The following GRB10 variants were observed in gnomAD, a reference collection of about 807,000 sequenced individuals.
The protein encoded by GRB10 is growth factor receptor-bound protein 10.
A neutral mutation model predicts 80.9 loss-of-function variants in GRB10; 20 were observed. The ratio of observed to expected loss-of-function variants is 0.25; its 90% CI spans 0.17 to 0.36. The LOEUF is 0.36. Among genes scored for constraint, GRB10 ranks in the 10% least tolerant of loss-of-function variants. The probability of loss-of-function intolerance (pLI) is 1.00; values close to 1 mark genes in which losing one functional copy is unlikely to be tolerated. For synonymous variants in GRB10, 291 were observed against 291.5 expected, an observed-to-expected ratio of 1.00 and a Z score of 0.02; for missense variants, 548 against 747.7, an observed-to-expected ratio of 0.73 and a Z score of 3.12.
intron 3 of GRB10, among the ~76,000 whole-genome samples, chr7:50,736,700 A>G (rs1460144763): frequency 6.6e-6 from 1 of 152,118 alleles, no homozygotes; most frequent in Non-Finnish European, 1.5e-5. Flanking sequence ...GAAGGATCAA[A>G]TTAAGCACAG....
At position 50,592,854 on chromosome 7, in the gene GRB10, C is replaced by T. The variant is rs2153558223; in HGVS notation, c.*98G>A. The T allele has an allele frequency of 7.3e-7, 1 of 1,371,180 alleles. No homozygotes were observed. Among genetic ancestry groups the T allele is most frequent in the Non-Finnish European group, 1.0e-6 (1 of 963,050 alleles). The allele number at this position is 1,371,180 out of a possible 1,614,324, so 84.9% of individuals were successfully genotyped here. ...ACAAACCCATCTCGCTCTGGGTCCC[C>T]AGGTGCAGAATCGATGTGTGTTCTT... On this transcript the variant is annotated 3_prime_UTR_variant, in exon 19 of 19. Coordinates refer to ENST00000401949, the MANE Select transcript of GRB10 (RefSeq NM_001350814.2).
chr7:50,663,731 A>G (rs1438714088), intron 7 of GRB10, among the ~76,000 whole-genome samples: 1 of 152,206 alleles, frequency 6.6e-6, no homozygotes, highest in Non-Finnish European at 1.5e-5. Flanking sequence ...AAGCCTATTT[A>G]ATGTAATCCT....
At chr7:50,748,877 G>T (rs1562601109) in intron 3 of GRB10, among the ~76,000 whole-genome samples, 1 of 152,248 alleles carries the variant, frequency 6.6e-6, no homozygotes, top group East Asian at 1.9e-4. Flanking sequence ...TCAAAACAGG[G>T]AAAAGCTACC....
intron 7 of GRB10, among the ~76,000 whole-genome samples, chr7:50,659,850 C>T (rs1432064321): frequency 3.3e-5 from 5 of 152,220 alleles, no homozygotes; most frequent in African/African-American, 7.2e-5. Flanking sequence ...GGGATTCACG[C>T]GTCCCCTCAT....
intron 1 of GRB10, among the ~76,000 whole-genome samples, chr7:50,788,342 G>A (rs375493061): frequency 7.2e-5 from 11 of 152,250 alleles, no homozygotes; most frequent in Middle Eastern, 3.4e-3. Flanking sequence ...AGCCTTGGAG[G>A]TTCCTGACCC....
At chr7:50,742,299 A>G (rs1451209787) in intron 3 of GRB10, among the ~76,000 whole-genome samples, 11 of 148,758 alleles carry the variant, frequency 7.4e-5, no homozygotes, top group African/African-American at 2.8e-4. Flanking sequence ...ACACACACAC[A>G]CACACACACA....
At chr7:50,785,794 A>C (rs1016339453), upstream of GRB10, among the ~76,000 whole-genome samples, 1 of 152,264 alleles carries the variant, frequency 6.6e-6, no homozygotes, top group Non-Finnish European at 1.5e-5. Context: ...AAAAATTAAA[A>C]GTAAATCATT....
intron 7 of GRB10, among the ~76,000 whole-genome samples, chr7:50,668,080 A>G (rs1351458624): frequency 6.6e-6 from 1 of 152,208 alleles, no homozygotes; most frequent in African/African-American, 2.4e-5. Context: ...AAAGTGCACA[A>G]GCCCAGCCAG....
At chr7:50,672,147 C>T (rs2060427108) in intron 6 of GRB10, among the ~76,000 whole-genome samples, 1 of 152,234 alleles carries the variant, frequency 6.6e-6, no homozygotes, top group African/African-American at 2.4e-5. Context: ...AGTGTCTCCT[C>T]TGCCCATACC....
chr7:50,599,573 A>C (rs1441186761), intron 17 of GRB10, among the ~76,000 whole-genome samples: 1 of 152,194 alleles, frequency 6.6e-6, no homozygotes, highest in Non-Finnish European at 1.5e-5. Flanking sequence ...CTAAGGCGGG[A>C]GCTGGAAATG....
chr7:50,621,192 CT>C (rs1455464588), intron 8 of GRB10, among the ~76,000 whole-genome samples: 5 of 152,244 alleles, frequency 3.3e-5, no homozygotes, highest in Non-Finnish European at 7.3e-5. Context: ...CTCCCTGCGC[CT>C]CCCCTGGAAA....
chr7:50,650,051 G>C (rs1260852904), intron 7 of GRB10, among the ~76,000 whole-genome samples: 1 of 152,158 alleles, frequency 6.6e-6, no homozygotes, highest in Non-Finnish European at 1.5e-5. Context: ...CCACTAGAGT[G>C]GGGGAGGCTG....
At chr7:50,743,909 C>T (rs1253598461) in intron 3 of GRB10, among the ~76,000 whole-genome samples, 6 of 152,178 alleles carry the variant, frequency 3.9e-5, no homozygotes, top group Non-Finnish European at 7.3e-5. Flanking sequence ...AAGGTAACCA[C>T]AGAAAACAGC....
rs2153557733 is a variant in GRB10 at position 50,591,939 on chromosome 7, AG to A, written c.*1012del. On this transcript the variant is annotated 3_prime_UTR_variant, in exon 19 of 19. Coordinates refer to ENST00000401949, the MANE Select transcript of GRB10 (RefSeq NM_001350814.2). ...TCTCTTTAGATCCTTTAATCCCCCG[AG>A]GGACATCAGCCGTGAAACGACTCAC... 1 of 152,358 alleles carries A rather than the reference AG, an allele frequency of 6.6e-6. No individual in the cohort carries two copies. The highest frequency in any genetic ancestry group is 2.1e-4 in the South Asian group (1 of 4,826). The allele number at this position is 152,358 out of a possible 1,614,324, so 9.4% of individuals were successfully genotyped here.
Position 50,604,222 on chromosome 7 carries a change from G to C in GRB10, c.1456+89C>G, listed in dbSNP as rs1031588478. 35 of 1,332,746 alleles carry C rather than the reference G, an allele frequency of 2.6e-5. No individual in the cohort carries two copies. The Admixed American group carries it at 5.7e-4, about 22-fold the overall frequency. 82.6% of individuals were successfully genotyped at this position (1,332,746 alleles called of 1,614,324 possible). ...GCTTGTGTGGTGCACTCTGGCCACA[G>C]GCAAATTCGTAAGGCTGAGGGGGAG... is the stretch of plus-strand genomic sequence containing the variant. On this transcript the variant is annotated intron_variant, in intron 16 of 18. Coordinates refer to ENST00000401949, the MANE Select transcript of GRB10 (RefSeq NM_001350814.2).
chr7:50,645,767 G>T (rs548277738), intron 7 of GRB10: 15 of 294,428 alleles, frequency 5.1e-5, no homozygotes, highest in Non-Finnish European at 7.6e-5. Context: ...CAATCAAAGT[G>T]ATAGATTGCC....
intron 7 of GRB10, among the ~76,000 whole-genome samples, chr7:50,660,695 T>TA (rs2039581932): frequency 6.6e-6 from 1 of 151,682 alleles, no homozygotes; most frequent in Non-Finnish European, 1.5e-5. Flanking sequence ...GGAAAGGAGT[T>TA]AGAGATGCAG....
chr7:50,615,999 G>A lies in GRB10; in HGVS notation c.984+211C>T, dbSNP rs535372084. ...TGGGGCTAGGCAGGTGGGGTTCTTA[G>A]GCCTGTATTATTTATTACCTAGTTT... On this transcript the variant is annotated intron_variant, in intron 11 of 18. Coordinates refer to ENST00000401949, the MANE Select transcript of GRB10 (RefSeq NM_001350814.2). Among the ~76,000 whole-genome samples, 15 of 152,290 alleles carry A rather than the reference G, an allele frequency of 9.8e-5. 1 individual carries two copies. The East Asian group carries it at 2.7e-3, about 27-fold the overall frequency.
chr7:50,645,825 T>C (rs1563274855), intron 7 of GRB10, among the ~76,000 whole-genome samples: 1 of 152,172 alleles, frequency 6.6e-6, no homozygotes. Flanking sequence ...AGAGCCCCAG[T>C]GGTGCGAGGC....
Sources: gnomAD v4.1 joint callset for allele counts (sites outside exome capture counted in the v4.1 genomes callset) on GRCh38, gnomAD v4.1.1 for gene constraint, MANE v1.5 for transcripts, NCBI Gene and HGNC (gene_info 2026-07-23, HGNC 2026-07-21) for gene names.